The following AOX1 variants were observed in gnomAD, a reference collection of about 807,000 sequenced individuals.
The protein encoded by AOX1 is aldehyde oxidase 1, also known as aldehyde oxidase.
In AOX1, 153 loss-of-function variants were observed where a neutral mutation model predicts 169.5. That is an observed-to-expected ratio of 0.90 (90% CI 0.79 to 1.03). AOX1 has a LOEUF of 1.03. AOX1 is among the 50% of genes least tolerant of loss of function. The probability of loss-of-function intolerance (pLI) is 0.00; values close to 1 mark genes in which losing one functional copy is unlikely to be tolerated. For missense variants in AOX1, 1,656 were observed against 1,663.9 expected (o/e 1.00, Z 0.08); for synonymous variants, 562 against 581.9 (o/e 0.97, Z 0.49).
chr2:200,627,436 T>C lies in AOX1; in HGVS notation c.2208T>C (p.Asp736=). Residue 736 remains aspartate (D), a synonymous_variant, in exon 20 of 35, where the codon GAT becomes GAC. Transcript: ENST00000374700. ...GNVDEAFKVV[D]QILEGEIHMG... ...TTGACGAAGCATTTAAAGTGGTTGA[T>C]CAAATTCTTGAAGGTAAAAAGTAAT... is the stretch of plus-strand genomic sequence containing the variant. The C allele has an allele frequency of 6.2e-7, 1 of 1,612,658 alleles. No homozygotes were observed. The highest frequency in any genetic ancestry group is 8.5e-7 in the Non-Finnish European group (1 of 1,178,706).
rs373687373 is a variant in AOX1, at chr2:200,669,647, C to T, written c.3871C>T (p.Arg1291Ter). Residue 1291 changes from arginine (R) to a stop codon, truncating the protein, a stop_gained, in exon 34 of 35, where the codon CGA becomes TGA. Transcript: ENST00000374700. LOFTEE classifies it high-confidence loss of function. ...FAIHDAVSAA[R>*]QERGLHGPLT... is the part of the protein sequence containing the mutation. ...TATCCATGACGCAGTGAGTGCAGCA[C>T]GACAGGAGAGAGGCCTGCATGGACC... 3.0e-5 allele frequency: 49 copies of T among 1,613,534 alleles called. 1 individual carries two copies. Among genetic ancestry groups the T allele is most frequent in the Admixed American group, 1.7e-4 (10 of 59,924 alleles).
Position 200,616,036 on chromosome 2 carries a change from A to C in AOX1, c.1677A>C (p.Lys559Asn). ...YESALEDLHSKHHCSTLKYQN... is the reference protein window; with the variant it reads ...YESALEDLHSNHHCSTLKYQN... The stretch of plus-strand genomic sequence containing the variant: ...GTGCTTTAGAAGATCTTCATTCCAA[A>C]CATCACTGCAGTACATTAAAGTACC... Residue 559 changes from lysine to asparagine, a missense_variant, in exon 16 of 35, where the codon AAA (lysine) becomes AAC (asparagine). By Grantham distance (94) the Lys-to-Asn change is moderately conservative. Transcript: ENST00000374700. 6.2e-7 allele frequency: 1 copy of C among 1,613,622 alleles called. No homozygotes were observed. The highest frequency in any genetic ancestry group is 2.2e-5 in the East Asian group (1 of 44,870).
At chr2:200,678,121 C>T (rs188274227), downstream of AOX1, 1 of 152,302 alleles carries the variant, frequency 6.6e-6, no homozygotes, top group African/African-American at 2.4e-5. Flanking sequence ...GGCAACTCTT[C>T]TAGAATTTCT....
At position 200,638,276 on chromosome 2, in the gene AOX1, C is replaced by T. The variant is rs775304628; in HGVS notation, c.2542C>T (p.Arg848Cys). ...AGAAGACATGTTAATAACTGGAGGC[C>T]GCCATCCTTACCTTGGAAAGTACAA... is the stretch of plus-strand genomic sequence containing the variant. Reference protein sequence around the residue: ...RGEDMLITGGRHPYLGKYKAG... With the variant: ...RGEDMLITGGCHPYLGKYKAG... The change falls in exon 23 of 35, where the codon CGC becomes TGC. Residue 848 changes from arginine to cysteine, a missense_variant. Transcript: ENST00000374700. The T allele has an allele frequency of 1.5e-5, 24 of 1,613,556 alleles. No individual in the cohort carries two copies. The highest frequency in any genetic ancestry group is 4.5e-5 in the East Asian group (2 of 44,874).
chr2:200,659,874 G>A, intron 28 of AOX1, 121 bp from the exon 29 acceptor site: 1 of 713,782 alleles, frequency 1.4e-6, no homozygotes, highest in Non-Finnish European at 2.3e-6. Context: ...TACAGGGTTG[G>A]TGTCTTATTT....
intron 32 of AOX1, 27 bp downstream of exon 32, chr2:200,666,779 T>A: frequency 6.3e-7 from 1 of 1,585,472 alleles, no homozygotes; most frequent in Non-Finnish European, 8.6e-7. Flanking sequence ...TGTCTCACTT[T>A]CTATTTGTAA....
downstream of AOX1, among the ~76,000 whole-genome samples, chr2:200,673,502 T>G (rs911266163): frequency 2.0e-5 from 3 of 152,218 alleles, no homozygotes; most frequent in African/African-American, 7.2e-5. Flanking sequence ...CCTCTCTTTA[T>G]TTCCATAGCC....
chr2:200,601,633 A>C (rs577451341), intron 5 of AOX1, among the ~76,000 whole-genome samples: 7 of 65,866 alleles, frequency 1.1e-4, no homozygotes, highest in South Asian at 4.3e-4. Context: ...TTTACTTTTT[A>C]AAAAAAAAAT....
intron 25 of AOX1, among the ~76,000 whole-genome samples, chr2:200,649,138 A>G (rs2035527291): frequency 6.6e-6 from 1 of 152,036 alleles, no homozygotes; most frequent in Non-Finnish European, 1.5e-5. Flanking sequence ...TACAAAGTTC[A>G]GCTAGAGATT....
At position 200,660,246 on chromosome 2, in the gene AOX1, G is replaced by A. The variant is rs1001472884; in HGVS notation, c.3375+177G>A. Among the ~76,000 whole-genome samples, 5 of 152,178 alleles carry A rather than the reference G, an allele frequency of 3.3e-5. No individual in the cohort carries two copies. The East Asian group carries it at 9.6e-4, about 29-fold the overall frequency. ...GCATGTGGAAATCCTATCACAGTGT[G>A]GTGGAGGAACTCTTGTATCTGGGAA... is the stretch of plus-strand genomic sequence containing the variant. On this transcript the variant is annotated intron_variant, in intron 29 of 34. Coordinates refer to ENST00000374700, the MANE Select transcript of AOX1 (RefSeq NM_001159.4).
At chr2:200,606,985 C>A (rs1231450520) in intron 10 of AOX1, among the ~76,000 whole-genome samples, 1 of 152,152 alleles carries the variant, frequency 6.6e-6, no homozygotes, top group Non-Finnish European at 1.5e-5. Context: ...CTTTCTCTTG[C>A]CTGATTGCAC....
At chr2:200,636,117 CTTTTTTTTTTTTTTT>C (rs765127387) in intron 21 of AOX1, among the ~76,000 whole-genome samples, 13 of 53,954 alleles carry the variant, frequency 2.4e-4, no homozygotes, top group African/African-American at 8.8e-4. Flanking sequence ...GTGAGAAGTG[CTTTTTTTTTTTTTTT>C]TTTTTTTTTT....
chr2:200,588,726 C>CTTTTTTTTTTTTTTTTTT (rs71807461), intron 1 of AOX1, among the ~76,000 whole-genome samples: 4,232 of 53,902 alleles, frequency 0.079, 1,218 homozygotes, highest in Non-Finnish European at 0.12. Flanking sequence ...CTAGAATAAG[C>CTTTTTTTTTTTTTTTTTT]TTTTTTTTTT....
At chr2:200,597,629 C>T (rs184968132) in intron 4 of AOX1, 124 bp downstream of exon 4, 6 of 506,710 alleles carry the variant, frequency 1.2e-5, no homozygotes, top group Admixed American at 7.4e-5. Context: ...ACAGATACAA[C>T]CTAGCTGGGA....
rs1277031902 is a variant in AOX1, at chr2:200,662,862, G to T, written c.3436G>T (p.Glu1146Ter). The T allele has an allele frequency of 3.1e-6, 5 of 1,613,582 alleles. No homozygotes were observed. Among genetic ancestry groups the T allele is most frequent in the Non-Finnish European group, 4.2e-6 (5 of 1,179,642 alleles). ...ACTCACTGTTTCTTCCAGAGGTTATGAGTCAGACATGAACTGGGAGAAAGG... is the reference window on the plus strand; with the variant it reads ...ACTCACTGTTTCTTCCAGAGGTTATTAGTCAGACATGAACTGGGAGAAAGG... ...LSAVGYFRGY[E>*]SDMNWEKGEG... The change falls in exon 31 of 35, where the codon GAG becomes TAG. Residue 1146 changes from glutamate (E) to a stop codon, truncating the protein, a stop_gained. Transcript: ENST00000374700. LOFTEE classifies it high-confidence loss of function.
chr2:200,632,943 C>G (rs1418055849), intron 20 of AOX1, among the ~76,000 whole-genome samples: 2 of 150,036 alleles, frequency 1.3e-5, no homozygotes, highest in African/African-American at 4.9e-5. Flanking sequence ...GTCGCCCAGG[C>G]TGGAGTGCAG....
In AOX1 at chr2:200,627,449, G is replaced by C. The variant is rs750938630; in HGVS notation, c.2221G>C (p.Gly741Arg). 1 of 1,605,844 alleles carries C rather than the reference G, an allele frequency of 6.2e-7. No individual in the cohort carries two copies. The highest frequency in any genetic ancestry group is 8.5e-7 in the Non-Finnish European group (1 of 1,172,692). Reference protein sequence around the residue: ...AFKVVDQILEGEIHMGGQEHF... With the variant: ...AFKVVDQILEREIHMGGQEHF... ...TAAAGTGGTTGATCAAATTCTTGAA[G>C]GTAAAAAGTAATGGAAGAGTAAACA... The change falls in exon 20 of 35, where the codon GGT (glycine) becomes CGT (arginine). Residue 741 changes from glycine to arginine, a missense_variant and splice_region_variant. Physicochemically the swap from Gly to Arg is moderately radical, Grantham distance 125. Transcript: ENST00000374700.
intron 9 of AOX1, 75 bp from the exon 10 acceptor site, chr2:200,605,461 A>G: frequency 4.8e-6 from 3 of 620,770 alleles, no homozygotes; most frequent in Non-Finnish European, 7.8e-6. Context: ...TAGTTTAATA[A>G]TAATTTCAAA....
intron 26 of AOX1, among the ~76,000 whole-genome samples, chr2:200,656,519 G>T (rs2035688228): frequency 6.6e-6 from 1 of 152,102 alleles, no homozygotes; most frequent in Admixed American, 6.5e-5. Flanking sequence ...AACAATTTTA[G>T]TGTCTATCTA....
Sources: allele counts gnomAD v4.1 joint callset (sites outside exome capture counted in the v4.1 genomes callset), GRCh38; gene constraint gnomAD v4.1.1; transcripts MANE v1.5; gene names NCBI Gene and HGNC (gene_info 2026-07-23, HGNC 2026-07-21).